The following GRID2 variants were observed in gnomAD, a reference collection of about 807,000 sequenced individuals.
GRID2 encodes glutamate ionotropic receptor delta type subunit 2, also known as glutamate receptor ionotropic, delta-2.
GRID2 carries 33 observed loss-of-function variants against 114.8 expected under a neutral mutation model. The ratio of observed to expected loss-of-function variants is 0.29; its 90% confidence interval spans 0.22 to 0.38. The LOEUF (loss-of-function observed/expected upper bound fraction) is 0.38. Among genes scored for constraint, GRID2 ranks in the 10% least tolerant of loss-of-function variants. The pLI is 1.00. For missense variants in GRID2, 1,184 were observed against 1,257.7 expected (o/e 0.94, Z 0.89); for synonymous variants, 505 against 449.9 (o/e 1.12, Z -1.55).
intron 6 of GRID2, among the ~76,000 whole-genome samples, chr4:93,220,890 G>T (rs1240026961): frequency 6.6e-6 from 1 of 152,182 alleles, no homozygotes; most frequent in Non-Finnish European, 1.5e-5. Flanking sequence ...ATTTGTAAAT[G>T]GCATAAAGCT....
chr4:92,354,668 A>C (rs1192063089), intron 1 of GRID2, among the ~76,000 whole-genome samples: 1 of 152,008 alleles, frequency 6.6e-6, no homozygotes, highest in African/African-American at 2.4e-5. Flanking sequence ...CAAGTCAATC[A>C]GAATTTATTA....
chr4:92,372,183 G>A (rs1033618724), intron 1 of GRID2, among the ~76,000 whole-genome samples: 2 of 152,166 alleles, frequency 1.3e-5, no homozygotes, highest in African/African-American at 4.8e-5. Flanking sequence ...GAGCATTGTT[G>A]AAATGATAAT....
chr4:92,454,754 C>T (rs1009044341), intron 1 of GRID2, among the ~76,000 whole-genome samples: 3 of 152,100 alleles, frequency 2.0e-5, no homozygotes, highest in South Asian at 2.1e-4. Context: ...GAGAATGGCG[C>T]GAACCCAGGA....
At position 93,644,227 on chromosome 4, in the gene GRID2, A is replaced by G. The variant is rs1055638845; in HGVS notation, c.2360+17792A>G. On this transcript the variant is annotated intron_variant, in intron 14 of 15. Transcript: ENST00000282020. ...GCCCACTGTCTGGCACTCCCTAGTG[A>G]GATGAACCCGGTACCTCAGATGGAA... Among the ~76,000 whole-genome samples the G allele has an allele frequency of 6.2e-5, 5 of 80,072 alleles. 1 individual carries two copies. The highest frequency in any genetic ancestry group is 2.1e-4 in the Admixed American group (2 of 9,462). 52.5% of individuals were successfully genotyped at this position (80,072 alleles called of 152,430 possible). A position where few individuals can be genotyped will look rare whatever the true frequency, so the allele number is the denominator to read the frequency against.
chr4:93,061,439 T>C (rs569714419), intron 2 of GRID2, among the ~76,000 whole-genome samples: 70 of 152,026 alleles, frequency 4.6e-4, no homozygotes, highest in African/African-American at 1.6e-3. Context: ...CCATTGACTA[T>C]AGTAAGTCAT....
At chr4:93,361,502 G>T (rs1761878343) in intron 8 of GRID2, among the ~76,000 whole-genome samples, 1 of 140,506 alleles carries the variant, frequency 7.1e-6, no homozygotes, top group Non-Finnish European at 1.6e-5. Context: ...ATTATTATTT[G>T]TAGGATTTCC....
chr4:93,435,758 G>A (rs1192692349), intron 10 of GRID2, among the ~76,000 whole-genome samples: 1 of 152,162 alleles, frequency 6.6e-6, no homozygotes, highest in Non-Finnish European at 1.5e-5. Flanking sequence ...CAGGATATTA[G>A]CTTAAATTGT....
chr4:92,565,389 A>G (rs1727286879), intron 1 of GRID2, among the ~76,000 whole-genome samples: 1 of 151,948 alleles, frequency 6.6e-6, no homozygotes. Context: ...GCTTGCTAAG[A>G]GCTAGAAGCT....
chr4:92,509,117 A>G (rs1724117587), intron 1 of GRID2, among the ~76,000 whole-genome samples: 1 of 151,806 alleles, frequency 6.6e-6, no homozygotes, highest in African/African-American at 2.4e-5. Flanking sequence ...GAACTGATAG[A>G]TTGGATTTGG....
intron 2 of GRID2, among the ~76,000 whole-genome samples, chr4:92,883,240 A>G (rs572702556): frequency 6.6e-6 from 1 of 152,304 alleles, no homozygotes; most frequent in East Asian, 1.9e-4. Context: ...CATCCATAAC[A>G]AGTAACTCCT....
At chr4:92,670,606 TTTA>T (rs1733011190) in intron 2 of GRID2, among the ~76,000 whole-genome samples, 1 of 152,078 alleles carries the variant, frequency 6.6e-6, no homozygotes, top group Admixed American at 6.6e-5. Flanking sequence ...CCTCAGCTAT[TTTA>T]TTATTGCTAA....
rs147633395 is a variant in GRID2 at position 92,444,131 on chromosome 4, G to A, written c.88+139387G>A. Among the ~76,000 whole-genome samples, 1,386 of 152,282 alleles carry A rather than the reference G, an allele frequency of 9.1e-3. 21 individuals carry two copies. Among genetic ancestry groups the A allele is most frequent in the African/African-American group, 0.032 (1,324 of 41,554 alleles). ...GAGGTCATAGGTGGATCTTTCTCAC[G>A]GAGCAAAGAACAGGAGGACAGGGGA... On this transcript the variant is annotated intron_variant, in intron 1 of 15. Coordinates refer to ENST00000282020, the MANE Select transcript of GRID2 (RefSeq NM_001510.4).
intron 1 of GRID2, among the ~76,000 whole-genome samples, chr4:92,581,456 C>T (rs1394668931): frequency 6.6e-6 from 1 of 152,064 alleles, no homozygotes; most frequent in Non-Finnish European, 1.5e-5. Context: ...TTCTGGAAGA[C>T]ACACAGCAGT....
At chr4:93,330,091 G>A (rs1489964565) in intron 8 of GRID2, among the ~76,000 whole-genome samples, 1 of 152,056 alleles carries the variant, frequency 6.6e-6, no homozygotes. Context: ...CCTGGTGGTT[G>A]TGTTAGACCC....
At chr4:92,803,102 G>T (rs1000770837) in intron 2 of GRID2, among the ~76,000 whole-genome samples, 3 of 151,796 alleles carry the variant, frequency 2.0e-5, no homozygotes, top group Non-Finnish European at 4.4e-5. Flanking sequence ...TCTCTCGAGG[G>T]ATGTTCACAA....
At chr4:92,987,317 A>G (rs890776732) in intron 2 of GRID2, among the ~76,000 whole-genome samples, 7 of 152,178 alleles carry the variant, frequency 4.6e-5, no homozygotes, top group Non-Finnish European at 7.3e-5. Context: ...CACAAGACAG[A>G]AGGGTAACTC....
intron 13 of GRID2, among the ~76,000 whole-genome samples, chr4:93,541,223 C>A (rs975049809): frequency 6.6e-6 from 1 of 152,082 alleles, no homozygotes; most frequent in Non-Finnish European, 1.5e-5. Context: ...TACATGCGGA[C>A]AGTAAATCCC....
chr4:93,362,071 A>G (rs1258843896), intron 8 of GRID2, among the ~76,000 whole-genome samples: 2 of 151,852 alleles, frequency 1.3e-5, no homozygotes, highest in Admixed American at 6.6e-5. Context: ...GTCAATCTTG[A>G]TTTACACTGC....
At chr4:92,440,932 A>AT (rs1733022947) in intron 1 of GRID2, among the ~76,000 whole-genome samples, 2 of 152,110 alleles carry the variant, frequency 1.3e-5, no homozygotes, top group African/African-American at 4.8e-5. Context: ...CAGAAAGTAT[A>AT]TGAATCAGGT....
Sources: gnomAD v4.1 joint callset for allele counts (sites outside exome capture counted in the v4.1 genomes callset) on GRCh38, gnomAD v4.1.1 for gene constraint, MANE v1.5 for transcripts, NCBI Gene and HGNC (gene_info 2026-07-23, HGNC 2026-07-21) for gene names.